The following ADAMTS17 variants were observed in gnomAD, a reference collection of about 807,000 sequenced individuals.
ADAMTS17 encodes ADAM metallopeptidase with thrombospondin type 1 motif 17, also known as A disintegrin and metalloproteinase with thrombospondin motifs 17.
ADAMTS17 carries 113 observed loss-of-function variants against 141.5 expected under a neutral mutation model. The observed-to-expected ratio is 0.80, with a 90% confidence interval of 0.69 to 0.93. The LOEUF is 0.93. Ranked by LOEUF, ADAMTS17 falls within the 40% of genes least tolerant of loss-of-function variation. ADAMTS17 has a pLI of 0.00. For synonymous variants in ADAMTS17, 768 were observed against 630.6 expected, an observed-to-expected ratio of 1.22 and a Z score of -3.27; for missense variants, 1,659 against 1,517.9, an observed-to-expected ratio of 1.09 and a Z score of -1.54.
At chr15:99,991,344 T>C (rs565880530) in intron 20 of ADAMTS17, among the ~76,000 whole-genome samples, 1 of 151,978 alleles carries the variant, frequency 6.6e-6, no homozygotes, top group South Asian at 2.1e-4. Flanking sequence ...AACAACCCCA[T>C]CAAAAAGTGG....
At chr15:100,278,888 C>A (rs1358044237) in intron 4 of ADAMTS17, among the ~76,000 whole-genome samples, 2 of 152,152 alleles carry the variant, frequency 1.3e-5, no homozygotes, top group African/African-American at 4.8e-5. Flanking sequence ...CTGGCAATGT[C>A]CCTGAGCCTC....
At chr15:100,187,983 C>CTA (rs528010886) in intron 8 of ADAMTS17, among the ~76,000 whole-genome samples, 104 of 152,240 alleles carry the variant, frequency 6.8e-4, no homozygotes, top group South Asian at 6.2e-3. Context: ...ACGTAGGAGG[C>CTA]TAAGGTGGGA....
intron 18 of ADAMTS17, among the ~76,000 whole-genome samples, chr15:100,021,633 C>T (rs775165128): frequency 2.0e-5 from 3 of 152,174 alleles, no homozygotes; most frequent in Middle Eastern, 3.2e-3. Flanking sequence ...TTTACTCATT[C>T]GTTCAGTCCA....
chr15:100,017,583 A>C (rs1389377512), intron 18 of ADAMTS17, among the ~76,000 whole-genome samples: 4 of 152,160 alleles, frequency 2.6e-5, no homozygotes, highest in African/African-American at 7.2e-5. Flanking sequence ...TCTGTAAACT[A>C]ACTCAGCTCC....
At chr15:100,243,918 C>T (rs75256198) in intron 7 of ADAMTS17, among the ~76,000 whole-genome samples, 39 of 152,160 alleles carry the variant, frequency 2.6e-4, no homozygotes, top group African/African-American at 9.4e-4. Context: ...CTATTATCCC[C>T]ATTTTCCAGA....
chr15:100,295,263 C>T (rs2044770185), intron 3 of ADAMTS17, among the ~76,000 whole-genome samples: 1 of 152,138 alleles, frequency 6.6e-6, no homozygotes, highest in South Asian at 2.1e-4. Flanking sequence ...GTCTCCCAGC[C>T]CCTCTTCTGC....
intron 7 of ADAMTS17, among the ~76,000 whole-genome samples, chr15:100,218,636 G>A (rs1481320883): frequency 1.3e-5 from 2 of 152,194 alleles, no homozygotes; most frequent in African/African-American, 4.8e-5. Context: ...GTAAAACGGT[G>A]TAGACACTCC....
rs1256289180 is a variant in ADAMTS17, at chr15:100,152,710, C to T, written c.1375G>A (p.Val459Ile). ...LVTDPRSQHTVRLPHKLPGMH... is the reference protein window; with the variant it reads ...LVTDPRSQHTIRLPHKLPGMH... ...CCCGGCAGCTTGTGCGGGAGGCGTACTGTGTGCTGGCTTCTGGGGTCCGTG... is the reference window on the plus strand; with the variant it reads ...CCCGGCAGCTTGTGCGGGAGGCGTATTGTGTGCTGGCTTCTGGGGTCCGTG... Residue 459 changes from valine to isoleucine, a missense_variant, in exon 10 of 22, where the codon GTA becomes ATA. Val to Ile is a conservative substitution (Grantham distance 29). Coordinates refer to ENST00000268070, the MANE Select transcript of ADAMTS17 (RefSeq NM_139057.4). 5 of 1,614,224 alleles carry T rather than the reference C, an allele frequency of 3.1e-6. No homozygotes were observed. The East Asian group carries it at 6.7e-5, about 22-fold the overall frequency.
At chr15:100,088,846 G>T (rs182236752) in intron 15 of ADAMTS17, among the ~76,000 whole-genome samples, 58 of 149,126 alleles carry the variant, frequency 3.9e-4, no homozygotes, top group Non-Finnish European at 8.0e-4. Context: ...AATTCAAGAT[G>T]GATTAAAAAC....
At chr15:100,210,519 A>C (rs2041766138) in intron 7 of ADAMTS17, among the ~76,000 whole-genome samples, 1 of 152,220 alleles carries the variant, frequency 6.6e-6, no homozygotes, top group East Asian at 1.9e-4. Context: ...GCTGGGATTC[A>C]ATCTCAGGTC....
intron 3 of ADAMTS17, chr15:100,305,900 T>C (rs1171694966): frequency 6.6e-6 from 1 of 152,420 alleles, no homozygotes. Context: ...CATTTGAATA[T>C]ATTCAGTTTA....
At chr15:99,995,745 G>A (rs1596183464) in intron 19 of ADAMTS17, among the ~76,000 whole-genome samples, 1 of 152,202 alleles carries the variant, frequency 6.6e-6, no homozygotes, top group African/African-American at 2.4e-5. Context: ...ACTTCAGCAC[G>A]TGGGAAGCGG....
rs192808013 is a variant in ADAMTS17 at position 99,983,115 on chromosome 15, A to G, written c.2950-6893T>C. Among the ~76,000 whole-genome samples, 326 of 152,310 alleles carry G rather than the reference A, an allele frequency of 2.1e-3. 1 individual carries two copies. Among genetic ancestry groups the G allele is most frequent in the African/African-American group, 7.5e-3 (310 of 41,564 alleles). ...CCCCAGACCAGCGTGATACTGAGAC[A>G]TTGTGCAAGCGTTACTAGCTTCTTT... is the stretch of plus-strand genomic sequence containing the variant. On this transcript the variant is annotated intron_variant, in intron 20 of 21. Transcript: ENST00000268070.
At chr15:100,049,377 C>T (rs28507505) in intron 17 of ADAMTS17, among the ~76,000 whole-genome samples, 47,749 of 152,076 alleles carry the variant, frequency 0.31, 8,564 homozygotes, top group East Asian at 0.49. Flanking sequence ...ACCTGCACAT[C>T]AGCCCTCAGC....
intron 7 of ADAMTS17, among the ~76,000 whole-genome samples, chr15:100,239,382 C>A (rs1260479000): frequency 1.3e-5 from 2 of 152,248 alleles, no homozygotes; most frequent in Non-Finnish European, 2.9e-5. Flanking sequence ...TCTTTCCTAC[C>A]TGTCAATAAT....
chr15:100,225,586 C>T lies in ADAMTS17; in HGVS notation c.1076-26163G>A, dbSNP rs372853253. The stretch of plus-strand genomic sequence containing the variant: ...TGCCATTCAGTCCTCACAGCAGTCA[C>T]GGTCTCTGTGCCATTCAGTCCTTAC... On this transcript the variant is annotated intron_variant, in intron 7 of 21. Transcript: ENST00000268070. Among the ~76,000 whole-genome samples, 97 of 148,722 alleles carry T rather than the reference C, an allele frequency of 6.5e-4. No individual in the cohort carries two copies. The South Asian group carries it at 0.021, about 33-fold the overall frequency.
chr15:100,233,568 C>T (rs2042558140), intron 7 of ADAMTS17, among the ~76,000 whole-genome samples: 1 of 152,126 alleles, frequency 6.6e-6, no homozygotes, highest in Non-Finnish European at 1.5e-5. Context: ...TTGCATCTCT[C>T]ATGTGCAGTC....
In ADAMTS17 at chr15:100,305,636, T is replaced by C. The variant is rs377183273; in HGVS notation, c.617-24235A>G. Among the ~76,000 whole-genome samples, 54 of 152,320 alleles carry C rather than the reference T, an allele frequency of 3.5e-4. No individual in the cohort carries two copies. The East Asian group carries it at 5.4e-3, about 15-fold the overall frequency. ...TTACACTTGCCCCAGAGACTGAGACTGTACATTCTGAGGACACTTAGATCT... is the reference window on the plus strand; with the variant it reads ...TTACACTTGCCCCAGAGACTGAGACCGTACATTCTGAGGACACTTAGATCT... On this transcript the variant is annotated intron_variant, in intron 3 of 21. Coordinates refer to ENST00000268070, the MANE Select transcript of ADAMTS17 (RefSeq NM_139057.4).
chr15:100,023,881 T>C (rs2061450754), intron 18 of ADAMTS17, among the ~76,000 whole-genome samples: 1 of 152,252 alleles, frequency 6.6e-6, no homozygotes, highest in East Asian at 1.9e-4. Context: ...TTCTGCTTAG[T>C]AGAACTTATA....
Sources: allele counts gnomAD v4.1 joint callset (sites outside exome capture counted in the v4.1 genomes callset), GRCh38; gene constraint gnomAD v4.1.1; transcripts MANE v1.5; gene names NCBI Gene and HGNC (gene_info 2026-07-23, HGNC 2026-07-21).